PABPN1: variants seen among roughly 807,000 people sequenced by gnomAD.
The protein encoded by PABPN1 is poly(A) binding protein nuclear 1.
PABPN1 carries 5 observed loss-of-function variants against 33.4 expected under a neutral mutation model. That is an observed-to-expected ratio of 0.15 (90% CI 0.08 to 0.32). PABPN1 has a LOEUF of 0.32. Ranked by LOEUF, PABPN1 falls within the 10% of genes least tolerant of loss-of-function variation. The probability of loss-of-function intolerance (pLI) is 1.00; values close to 1 mark genes in which losing one functional copy is unlikely to be tolerated. For missense variants in PABPN1, 312 were observed against 425.8 expected, an observed-to-expected ratio of 0.73 and a Z score of 2.35; for synonymous variants, 176 against 170.6, an observed-to-expected ratio of 1.03 and a Z score of -0.25.
At position 23,325,607 on chromosome 14, in the gene PABPN1, AG is replaced by A; in HGVS notation, c.*324del. On this transcript the variant is annotated 3_prime_UTR_variant, in exon 7 of 7. Coordinates refer to ENST00000216727, the MANE Select transcript of PABPN1 (RefSeq NM_004643.4). Reference sequence around the variant, plus strand: ...ACTTCACCCCCTTGGGGGCTGCTCAAGGGTAGGTGGGCGTGGGTGGTAGGAG... The same window carrying A: ...ACTTCACCCCCTTGGGGGCTGCTCAAGGTAGGTGGGCGTGGGTGGTAGGAG... 1 of 321,388 alleles carries A rather than the reference AG, an allele frequency of 3.1e-6. No individual in the cohort carries two copies. Among genetic ancestry groups the A allele is most frequent in the Non-Finnish European group, 5.7e-6 (1 of 176,192 alleles). 19.9% of individuals were successfully genotyped at this position (321,388 alleles called of 1,614,324 possible). A position where few individuals can be genotyped will look rare whatever the true frequency, so the allele number is the denominator to read the frequency against.
At chr14:23,322,913 G>T in intron 2 of PABPN1, 86 bp from the exon 3 acceptor site, 1 of 1,582,818 alleles carries the variant, frequency 6.3e-7, no homozygotes, top group Non-Finnish European at 8.7e-7. Flanking sequence ...GAGCTTATGG[G>T]ATAGTGCTGG....
In PABPN1 at chr14:23,323,971, G is replaced by A. The variant is rs755974255; in HGVS notation, c.648G>A (p.Ala216=). 10 of 1,613,940 alleles carry A rather than the reference G, an allele frequency of 6.2e-6. No homozygotes were observed. The highest frequency in any genetic ancestry group is 1.1e-5 in the South Asian group (1 of 91,088). Residue 216 remains alanine, a synonymous_variant, in exon 5 of 7, where the codon GCG becomes GCA. Transcript: ENST00000216727. The part of the protein sequence containing the change: ...DKFSGHPKGF[A]YIEFSDKESV... ...CAATGACAATTCTTTTCAGGTTTGC[G>A]TATATAGAGTTCTCAGACAAAGAGT...
At chr14:23,323,776 A>C (rs1267209288) in intron 4 of PABPN1, among the ~76,000 whole-genome samples, 189 bp from the exon 5 acceptor site, 1 of 152,228 alleles carries the variant, frequency 6.6e-6, no homozygotes. Context: ...TATTTTTACA[A>C]ATTTCAAAGA....
At chr14:23,322,156 T>C in intron 1 of PABPN1, 25 bp from the exon 2 acceptor site, 2 of 1,585,998 alleles carry the variant, frequency 1.3e-6, no homozygotes, top group South Asian at 1.2e-5. Context: ...TAAGCTGTCC[T>C]CCATACCCTC....
chr14:23,324,378 C>G (rs1213589504), intron 6 of PABPN1, 89 bp downstream of exon 6: 8 of 1,309,656 alleles, frequency 6.1e-6, no homozygotes, highest in South Asian at 2.3e-5. Flanking sequence ...CTCCCTCCCC[C>G]CACCCCTCCC....
At chr14:23,323,840 T>TAGA (rs1888516256) in intron 4 of PABPN1, 125 bp from the exon 5 acceptor site, 8 of 995,266 alleles carry the variant, frequency 8.0e-6, no homozygotes, top group Non-Finnish European at 1.2e-5. Context: ...ATTTTCCATT[T>TAGA]AGAAGAATTT....
At position 23,321,501 on chromosome 14, in the gene PABPN1, C is replaced by A; in HGVS notation, c.32C>A (p.Ala11Glu). The change falls in exon 1 of 7, where the codon GCG (alanine) becomes GAG (glutamate). Residue 11 changes from alanine to glutamate, a missense_variant. Around this residue, in one of 3 missense-constraint regions of PABPN1, gnomAD observed 167 missense variants for 168.9 expected, o/e 0.99. Transcript: ENST00000216727. ...GCGGCGGCGGCGGCGGCAGCAGCAG[C>A]GGGGGCTGCGGGCGGTCGGGGCTCC... MAAAAAAAAA[A>E]GAAGGRGSGP... 4 of 1,220,874 alleles carry A rather than the reference C, an allele frequency of 3.3e-6. No individual in the cohort carries two copies. Among genetic ancestry groups the A allele is most frequent in the Non-Finnish European group, 4.1e-6 (4 of 980,024 alleles). 75.6% of individuals were successfully genotyped at this position (1,220,874 alleles called of 1,614,324 possible). A position where few individuals can be genotyped will look rare whatever the true frequency, so the allele number is the denominator to read the frequency against.
intron 2 of PABPN1, 111 bp downstream of exon 2, chr14:23,322,406 G>A (rs1888378145): frequency 5.3e-6 from 5 of 938,576 alleles, no homozygotes; most frequent in Non-Finnish European, 6.8e-6. Context: ...GCTTGTCTGA[G>A]CTATTATGAC....
At position 23,323,001 on chromosome 14, in the gene PABPN1, G is replaced by A; in HGVS notation, c.469G>A (p.Gly157Ser). The change falls in exon 3 of 7, where the codon GGC (glycine) becomes AGC (serine). Residue 157 changes from glycine (G) to serine (S), a missense_variant and splice_region_variant. Around this residue, in one of 3 missense-constraint regions of PABPN1, gnomAD observed 77 missense variants for 185.7 expected, o/e 0.41. Transcript: ENST00000216727. ...AAAAAATTATTTTTTCCTGATAGCTGGCCCGGTGATCATGTCCATTGAGGA... is the reference window on the plus strand; with the variant it reads ...AAAAAATTATTTTTTCCTGATAGCTAGCCCGGTGATCATGTCCATTGAGGA... Reference protein sequence around the residue: ...MNMSPPPGNAGPVIMSIEEKM... With the variant: ...MNMSPPPGNASPVIMSIEEKM... 1 of 1,614,140 alleles carries A rather than the reference G, an allele frequency of 6.2e-7. No individual in the cohort carries two copies. Among genetic ancestry groups the A allele is most frequent in the Non-Finnish European group, 8.5e-7 (1 of 1,180,042 alleles).
Position 23,324,992 on chromosome 14 carries a change from C to T in PABPN1, c.882-255C>T, listed in dbSNP as rs60955024. ...AACTGGATAAAAAGGGGGTCCTTTT[C>T]CTTGCCCCTGTCTCTCACTCAGATG... On this transcript the variant is annotated intron_variant, in intron 6 of 6. Transcript: ENST00000216727. 9.9e-3 allele frequency: 4,661 copies of T among 469,220 alleles called. 177 individuals are homozygous for T. The highest frequency in any genetic ancestry group is 0.082 in the African/African-American group (4,186 of 51,198). 29.1% of individuals were successfully genotyped at this position (469,220 alleles called of 1,614,324 possible).
At chr14:23,325,064 C>A (rs541732607) in intron 6 of PABPN1, 183 bp from the exon 7 acceptor site, 1 of 729,788 alleles carries the variant, frequency 1.4e-6, no homozygotes. Flanking sequence ...AAGCCCCCCT[C>A]CCCCTGCCCC....
At position 23,321,715 on chromosome 14, in the gene PABPN1, A is replaced by G. The variant is rs1888291609; in HGVS notation, c.246A>G (p.Gly82=). Residue 82 remains glycine, a synonymous_variant, in exon 1 of 7, where the codon GGA becomes GGG. Coordinates refer to ENST00000216727, the MANE Select transcript of PABPN1 (RefSeq NM_004643.4). ...EEPPRPRAPP[G]APGPGPGSGA... The stretch of plus-strand genomic sequence containing the variant: ...CGCCCCGGCCCCGCGCCCCCCCGGG[A>G]GCTCCGGGCCCTGGGCCTGGTTCGG... 6.5e-7 allele frequency: 1 copy of G among 1,540,440 alleles called. No homozygotes were observed. Among genetic ancestry groups the G allele is most frequent in the East Asian group, 2.5e-5 (1 of 40,294 alleles).
intron 6 of PABPN1, 109 bp downstream of exon 6, chr14:23,324,398 C>T (rs1260697524): frequency 9.9e-6 from 13 of 1,316,242 alleles, no homozygotes; most frequent in African/African-American, 3.1e-5. Flanking sequence ...CCGTGGTCTT[C>T]AGGAACTTTG....
In PABPN1 at chr14:23,321,510, C is replaced by CG. The variant is rs1888260379; in HGVS notation, c.44dup (p.Gly16ArgfsTer38). On this transcript the variant is annotated frameshift_variant, in exon 1 of 7. Coordinates refer to ENST00000216727, the MANE Select transcript of PABPN1 (RefSeq NM_004643.4). LOFTEE classifies it high-confidence loss of function. ...GCGGCGGCAGCAGCAGCGGGGGCTG[C>CG]GGGCGGTCGGGGCTCCGGGCCGGGG... The CG allele has an allele frequency of 8.1e-7, 1 of 1,231,514 alleles. No homozygotes were observed. The highest frequency in any genetic ancestry group is 1.0e-6 in the Non-Finnish European group (1 of 985,904). The allele number at this position is 1,231,514 out of a possible 1,614,324, so 76.3% of individuals were successfully genotyped here.
chr14:23,321,881 A>T, intron 1 of PABPN1, 61 bp downstream of exon 1: 2 of 993,730 alleles, frequency 2.0e-6, no homozygotes, highest in Non-Finnish European at 2.7e-6. Context: ...CTGGAGGCCC[A>T]GAGCTCGGGC....
chr14:23,322,246 A>T lies in PABPN1; in HGVS notation c.417A>T (p.Leu139=), dbSNP rs764812574. 6 of 1,610,848 alleles carry T rather than the reference A, an allele frequency of 3.7e-6. No individual in the cohort carries two copies. In the South Asian group the frequency reaches 6.7e-5, roughly 18 times the overall value. Residue 139 remains leucine, a synonymous_variant, in exon 2 of 7, where the codon CTA becomes CTT. Transcript: ENST00000216727. ...MEEEAEKLKE[L]QNEVEKQMNM... is the part of the protein sequence containing the mutation. ...AAGAAGCTGAGAAGCTAAAGGAGCT[A>T]CAGAACGAGGTAGAGAAGCAGATGA...
chr14:23,323,878 T>C, intron 4 of PABPN1, 87 bp from the exon 5 acceptor site: 1 of 1,327,618 alleles, frequency 7.5e-7, no homozygotes, highest in Non-Finnish European at 1.1e-6. Flanking sequence ...AACTGCATTG[T>C]AGCCCAAAAC....
intron 2 of PABPN1, chr14:23,322,725 A>T: frequency 1.9e-6 from 1 of 517,982 alleles, no homozygotes; most frequent in Non-Finnish European, 3.5e-6. Flanking sequence ...AAGCATTTCA[A>T]CCAAAGCCAT....
chr14:23,321,611 A>G lies in PABPN1; in HGVS notation c.142A>G (p.Asn48Asp). ...GAPGGAGDYG[N>D]GLESEELEPE... ...CCCGGGGGGCGCAGGGGACTACGGG[A>G]ACGGCCTGGAGTCTGAGGAACTGGA... is the stretch of plus-strand genomic sequence containing the variant. The change falls in exon 1 of 7, where the codon AAC becomes GAC. Residue 48 changes from asparagine to aspartate, a missense_variant. Physicochemically the swap from Asn to Asp is conservative, Grantham distance 23. Coordinates refer to ENST00000216727, the MANE Select transcript of PABPN1 (RefSeq NM_004643.4). 6.6e-7 allele frequency: 1 copy of G among 1,503,800 alleles called. No homozygotes were observed. The highest frequency in any genetic ancestry group is 8.9e-7 in the Non-Finnish European group (1 of 1,117,760). The allele number at this position is 1,503,800 out of a possible 1,614,324, so 93.2% of individuals were successfully genotyped here. A position where few individuals can be genotyped will look rare whatever the true frequency, so the allele number is the denominator to read the frequency against.
Sources: gnomAD v4.1 joint callset for allele counts (sites outside exome capture counted in the v4.1 genomes callset) on GRCh38, gnomAD v4.1.1 for gene constraint, gnomAD v4.1.1 regional missense constraint, MANE v1.5 for transcripts, NCBI Gene and HGNC (gene_info 2026-07-23, HGNC 2026-07-21) for gene names.